ADCY5: variants seen among roughly 807,000 people sequenced by gnomAD.
The protein encoded by ADCY5 is adenylate cyclase type 5.
A neutral mutation model predicts 119.7 loss-of-function variants in ADCY5; 30 were observed. The observed-to-expected ratio is 0.25, with a 90% CI of 0.19 to 0.34. The LOEUF (loss-of-function observed/expected upper bound fraction) is 0.34, where lower values mean the gene tolerates loss of function less well. ADCY5 is among the 10% of genes least tolerant of loss of function. ADCY5 has a pLI of 1.00. For synonymous variants in ADCY5, 753 were observed against 762.2 expected (o/e 0.99, Z 0.20); for missense variants, 1,324 against 1,775.2 (o/e 0.75, Z 4.57).
chr3:123,432,038 T>G (rs374770666), intron 1 of ADCY5, among the ~76,000 whole-genome samples: 26 of 152,264 alleles, frequency 1.7e-4, no homozygotes, highest in East Asian at 1.5e-3. Context: ...GTACCTTTAC[T>G]TCCCACACCT....
chr3:123,439,076 C>CTTTTTCTTTTTTTTTTT (rs1945675859), intron 1 of ADCY5, among the ~76,000 whole-genome samples: 1 of 64,728 alleles, frequency 1.5e-5, no homozygotes, highest in East Asian at 5.1e-4. Context: ...CCCTAAAGTG[C>CTTTTTCTTTTTTTTTTT]TTTTTTTTTT....
At chr3:123,326,225 T>C (rs1177251878) in intron 7 of ADCY5, among the ~76,000 whole-genome samples, 1 of 152,228 alleles carries the variant, frequency 6.6e-6, no homozygotes, top group African/African-American at 2.4e-5. Context: ...ATTCAAGAGC[T>C]GACAGGCATT....
intron 1 of ADCY5, among the ~76,000 whole-genome samples, chr3:123,368,314 G>A (rs954060811): frequency 1.3e-5 from 2 of 152,234 alleles, no homozygotes; most frequent in Admixed American, 6.5e-5. Flanking sequence ...GTAGATGGGA[G>A]GCCAGGCATG....
At chr3:123,388,398 T>C (rs4678023) in intron 1 of ADCY5, among the ~76,000 whole-genome samples, 72,602 of 151,826 alleles carry the variant, frequency 0.48, 18,147 homozygotes, top group East Asian at 0.68. Flanking sequence ...TGACAGGAAA[T>C]AAGACAGAGA....
At chr3:123,378,632 T>C (rs892813372) in intron 1 of ADCY5, among the ~76,000 whole-genome samples, 3 of 152,216 alleles carry the variant, frequency 2.0e-5, no homozygotes, top group African/African-American at 7.2e-5. Flanking sequence ...AGTTTGACAC[T>C]GTCTTAGGGA....
intron 1 of ADCY5, among the ~76,000 whole-genome samples, chr3:123,384,526 A>G (rs1046033711): frequency 2.6e-5 from 4 of 152,194 alleles, no homozygotes; most frequent in Non-Finnish European, 4.4e-5. Flanking sequence ...GCTCTTGCCC[A>G]GGTCACAAGG....
At chr3:123,438,641 T>C (rs1229990366) in intron 1 of ADCY5, among the ~76,000 whole-genome samples, 1 of 152,212 alleles carries the variant, frequency 6.6e-6, no homozygotes, top group African/African-American at 2.4e-5. Flanking sequence ...AGTACTGCAG[T>C]GCTTAAGGAA....
chr3:123,290,102 G>C, intron 18 of ADCY5, 148 bp from the exon 19 acceptor site: 2 of 794,998 alleles, frequency 2.5e-6, no homozygotes, highest in East Asian at 5.4e-5. Context: ...ATCCTCATCA[G>C]TGTGATGCCC....
At chr3:123,329,279 G>C (rs1170787204) in intron 5 of ADCY5, among the ~76,000 whole-genome samples, 1 of 152,150 alleles carries the variant, frequency 6.6e-6, no homozygotes, top group Admixed American at 6.5e-5. Context: ...TGTTAGCAGG[G>C]TGATGGCAAA....
At chr3:123,337,298 C>T (rs1367670322) in intron 3 of ADCY5, among the ~76,000 whole-genome samples, 1 of 152,222 alleles carries the variant, frequency 6.6e-6, no homozygotes. Context: ...GGCCTGGATG[C>T]GGCGGGCCAT....
intron 7 of ADCY5, among the ~76,000 whole-genome samples, chr3:123,325,703 A>G (rs538290487): frequency 6.6e-6 from 1 of 152,292 alleles, no homozygotes; most frequent in South Asian, 2.1e-4. Context: ...AAAGATGATG[A>G]GAGTTGGTCT....
chr3:123,348,899 G>C (rs1290424118), intron 2 of ADCY5, among the ~76,000 whole-genome samples: 3 of 152,122 alleles, frequency 2.0e-5, no homozygotes, highest in African/African-American at 7.2e-5. Flanking sequence ...CCAGATGCTA[G>C]AGTCACCCTC....
intron 14 of ADCY5, among the ~76,000 whole-genome samples, chr3:123,301,689 C>G (rs1576541644): frequency 2.0e-5 from 3 of 152,340 alleles, no homozygotes; most frequent in East Asian, 1.9e-4. Flanking sequence ...CCCTCTCCCC[C>G]CAGGCCTTAG....
intron 3 of ADCY5, among the ~76,000 whole-genome samples, chr3:123,338,958 G>C (rs532805104): frequency 1.3e-5 from 2 of 152,170 alleles, no homozygotes; most frequent in African/African-American, 2.4e-5. Flanking sequence ...AGTGGTCTAG[G>C]GGGGCCTGTA....
intron 1 of ADCY5, among the ~76,000 whole-genome samples, chr3:123,369,936 T>G (rs781048262): frequency 3.3e-5 from 5 of 152,178 alleles, no homozygotes; most frequent in Non-Finnish European, 7.4e-5. Flanking sequence ...CTGGCTGTGC[T>G]GCTAACAAGG....
chr3:123,296,485 G>A (rs1216008090), intron 16 of ADCY5, among the ~76,000 whole-genome samples: 1 of 152,172 alleles, frequency 6.6e-6, no homozygotes, highest in Non-Finnish European at 1.5e-5. Context: ...TCACTCGGGA[G>A]CTCCCCTCTG....
At chr3:123,437,071 G>C (rs1404702616) in intron 1 of ADCY5, among the ~76,000 whole-genome samples, 1 of 152,140 alleles carries the variant, frequency 6.6e-6, no homozygotes, top group Non-Finnish European at 1.5e-5. Flanking sequence ...TAGGGGAGTG[G>C]AGAAATGAGA....
intron 1 of ADCY5, among the ~76,000 whole-genome samples, chr3:123,389,206 A>G (rs143511273): frequency 6.6e-6 from 1 of 152,268 alleles, no homozygotes; most frequent in Non-Finnish European, 1.5e-5. Flanking sequence ...CTGCAAAAAC[A>G]TGAGGGCTTG....
At chr3:123,361,857 G>A (rs1046812808) in intron 1 of ADCY5, among the ~76,000 whole-genome samples, 2 of 152,238 alleles carry the variant, frequency 1.3e-5, no homozygotes, top group East Asian at 3.9e-4. Flanking sequence ...ATAATTTTGT[G>A]CATGAAACAA....
Sources: allele counts gnomAD v4.1 joint callset (sites outside exome capture counted in the v4.1 genomes callset), GRCh38; gene constraint gnomAD v4.1.1; transcripts MANE v1.5; gene names NCBI Gene and HGNC (gene_info 2026-07-23, HGNC 2026-07-21).